Variants in NPAT observed in about 807,000 individuals in gnomAD.
NPAT encodes the protein nuclear protein, coactivator of histone transcription, also known as protein NPAT.
Under a neutral mutation model 130.7 loss-of-function variants are expected in NPAT, and 52 were observed. The observed-to-expected ratio is 0.40, with a 90% CI of 0.32 to 0.50. NPAT has a LOEUF of 0.50. Among genes scored for constraint, NPAT ranks in the 20% least tolerant of loss-of-function variants. The pLI is 0.68. For missense variants in NPAT, 1,687 were observed against 1,662.6 expected (o/e 1.01, Z -0.26); for synonymous variants, 580 against 584.8 (o/e 0.99, Z 0.12).
At chr11:108,221,673 C>T (rs944002057) in intron 1 of NPAT, among the ~76,000 whole-genome samples, 3 of 152,180 alleles carry the variant, frequency 2.0e-5, no homozygotes, top group African/African-American at 4.8e-5. Flanking sequence ...TTAGGGACGT[C>T]GCATACGACG....
At chr11:108,208,912 T>C (rs1236660430) in intron 1 of NPAT, among the ~76,000 whole-genome samples, 2 of 152,198 alleles carry the variant, frequency 1.3e-5, no homozygotes, top group African/African-American at 4.8e-5. Context: ...GGACATGAAA[T>C]AAGTGTCAAT....
At chr11:108,184,925 G>A (rs2078091776) in intron 10 of NPAT, among the ~76,000 whole-genome samples, 1 of 152,120 alleles carries the variant, frequency 6.6e-6, no homozygotes, top group Non-Finnish European at 1.5e-5. Flanking sequence ...TATAAACACT[G>A]TATTACTGTT....
intron 4 of NPAT, 78 bp downstream of exon 4, chr11:108,192,040 G>T: frequency 1.0e-6 from 1 of 952,764 alleles, no homozygotes; most frequent in Non-Finnish European, 1.7e-6. Flanking sequence ...TAAGTACACT[G>T]TGTAGGTCTT....
rs533844844 is a variant in NPAT, at chr11:108,173,500, G to A, written c.1484C>T (p.Pro495Leu). Residue 495 changes from proline (P) to leucine (L), a missense_variant, in exon 13 of 18, where the codon CCG becomes CTG. Physicochemically the swap from Pro to Leu is moderately conservative, Grantham distance 98. Transcript: ENST00000278612. ...IEKNSLSSNV[P>L]SESQLQPDQP... Reference sequence around the variant, plus strand: ...ATCAGGCTGTAACTGAGATTCACTCGGTACATTTGAAGACAAAGAGTTCTT... The same window carrying A: ...ATCAGGCTGTAACTGAGATTCACTCAGTACATTTGAAGACAAAGAGTTCTT... 4.0e-5 allele frequency: 65 copies of A among 1,614,024 alleles called. No homozygotes were observed. Among genetic ancestry groups the A allele is most frequent in the African/African-American group, 3.7e-4 (28 of 75,024 alleles).
chr11:108,170,670 T>G (rs2077942227), intron 13 of NPAT, among the ~76,000 whole-genome samples: 1 of 152,214 alleles, frequency 6.6e-6, no homozygotes, highest in East Asian at 1.9e-4. Flanking sequence ...TACTGTCAGG[T>G]TGATCCCCTC....
At chr11:108,205,782 C>G (rs577683791) in intron 1 of NPAT, among the ~76,000 whole-genome samples, 1 of 152,244 alleles carries the variant, frequency 6.6e-6, no homozygotes, top group South Asian at 2.1e-4. Flanking sequence ...GTGGCTCATG[C>G]CTGTAATCCC....
intron 1 of NPAT, among the ~76,000 whole-genome samples, chr11:108,212,322 C>T (rs1000357296): frequency 4.0e-5 from 6 of 151,880 alleles, no homozygotes; most frequent in African/African-American, 1.5e-4. Context: ...GTCAGGAGTT[C>T]CAGACCAGCC....
chr11:108,166,234 A>G (rs1358271449), intron 15 of NPAT, among the ~76,000 whole-genome samples: 1 of 152,068 alleles, frequency 6.6e-6, no homozygotes, highest in Non-Finnish European at 1.5e-5. Context: ...TCTACTAAAA[A>G]TACAAAAATT....
intron 12 of NPAT, 150 bp from the exon 13 acceptor site, chr11:108,174,001 T>C: frequency 1.4e-6 from 1 of 731,800 alleles, no homozygotes. Context: ...TCCCATTTAC[T>C]GAGTATCAAA....
At chr11:108,170,201 CA>C in intron 13 of NPAT, 158 bp from the exon 14 acceptor site, 7 of 480,772 alleles carry the variant, frequency 1.5e-5, no homozygotes, top group East Asian at 4.1e-5. Flanking sequence ...CAAAACAAAA[CA>C]AAAAAAACGA....
intron 1 of NPAT, among the ~76,000 whole-genome samples, chr11:108,214,504 T>C (rs961927179): frequency 1.2e-4 from 19 of 152,152 alleles, no homozygotes; most frequent in Non-Finnish European, 2.1e-4. Flanking sequence ...GATGGAAATA[T>C]TGAAATTACT....
At chr11:108,176,105 G>T in intron 12 of NPAT, 141 bp downstream of exon 12, 1 of 661,926 alleles carries the variant, frequency 1.5e-6, no homozygotes, top group Non-Finnish European at 2.6e-6. Flanking sequence ...ATTTATAATT[G>T]TTTTTAACAG....
At chr11:108,160,795 T>C (rs2077839040) in intron 17 of NPAT, 85 bp downstream of exon 17, 2 of 1,211,068 alleles carry the variant, frequency 1.7e-6, no homozygotes, top group Non-Finnish European at 2.4e-6. Context: ...TTCAGTCAAG[T>C]TGTTGTGGCA....
chr11:108,171,642 G>A (rs2077952600), intron 13 of NPAT: 1 of 152,870 alleles, frequency 6.5e-6, no homozygotes, highest in Non-Finnish European at 1.5e-5. Flanking sequence ...CTGCCACCAT[G>A]CCTGGCTCAT....
intron 2 of NPAT, among the ~76,000 whole-genome samples, chr11:108,196,769 C>G (rs1020619208): frequency 6.1e-4 from 93 of 152,170 alleles, no homozygotes; most frequent in African/African-American, 2.1e-3. Flanking sequence ...TATGACCCTG[C>G]TTAACTTTAG....
chr11:108,158,766 G>T lies in NPAT; in HGVS notation c.*176C>A. On this transcript the variant is annotated 3_prime_UTR_variant, in exon 18 of 18. Coordinates refer to ENST00000278612, the MANE Select transcript of NPAT (RefSeq NM_002519.3). The stretch of plus-strand genomic sequence containing the variant: ...CCCAAAATAAAAATATACCAAGTAA[G>T]TCTATTTACAAACTAGGAAGCTGTT... 1 of 556,238 alleles carries T rather than the reference G, an allele frequency of 1.8e-6. No homozygotes were observed. Among genetic ancestry groups the T allele is most frequent in the Non-Finnish European group, 3.2e-6 (1 of 311,272 alleles). 34.5% of individuals were successfully genotyped at this position (556,238 alleles called of 1,614,324 possible).
chr11:108,183,015 C>G (rs1052805967), intron 10 of NPAT, among the ~76,000 whole-genome samples: 8 of 152,190 alleles, frequency 5.3e-5, no homozygotes, highest in African/African-American at 1.9e-4. Flanking sequence ...GTGTCTTGCT[C>G]TGTTGTCCAG....
rs144938315 is a variant in NPAT, at chr11:108,208,736, G to C, written c.38-11316C>G. 2.4e-4 allele frequency among the ~76,000 whole-genome samples: 36 copies of C among 152,288 alleles called. 1 individual carries two copies. Among genetic ancestry groups the C allele is most frequent in the African/African-American group, 7.5e-4 (31 of 41,550 alleles). On this transcript the variant is annotated intron_variant, in intron 1 of 17. Coordinates refer to ENST00000278612, the MANE Select transcript of NPAT (RefSeq NM_002519.3). ...TGAAGGCTTCTATACCACACTTTCA[G>C]TAATACATAGAACAACTAGGCAGAA...
chr11:108,196,733 A>T (rs577006407), intron 2 of NPAT, among the ~76,000 whole-genome samples: 1 of 152,326 alleles, frequency 6.6e-6, no homozygotes, highest in Admixed American at 6.5e-5. Flanking sequence ...TACGGAATAT[A>T]ATGGATTTGT....
Sources: gnomAD v4.1 joint callset for allele counts (sites outside exome capture counted in the v4.1 genomes callset) on GRCh38, gnomAD v4.1.1 for gene constraint, MANE v1.5 for transcripts, NCBI Gene and HGNC (gene_info 2026-07-23, HGNC 2026-07-21) for gene names.